Variants in RAB27B observed in about 807,000 individuals in gnomAD.
RAB27B encodes the protein RAB27B, member RAS oncogene family.
In RAB27B, 15 loss-of-function variants were observed where a neutral mutation model predicts 24.6. The ratio of observed to expected loss-of-function variants is 0.61; its 90% confidence interval spans 0.41 to 0.94. The LOEUF is 0.94. Among genes scored for constraint, RAB27B ranks in the 40% least tolerant of loss-of-function variants. RAB27B has a pLI of 0.00. For missense variants in RAB27B, 261 were observed against 266.8 expected (o/e 0.98, Z 0.15); for synonymous variants, 105 against 92.5 (o/e 1.14, Z -0.78).
intron 1 of RAB27B, among the ~76,000 whole-genome samples, chr18:54,872,108 G>T (rs1388877935): frequency 6.6e-6 from 1 of 152,102 alleles, no homozygotes; most frequent in Non-Finnish European, 1.5e-5. Context: ...AGGTGGTGAT[G>T]AGAGTATGTT....
At chr18:54,739,205 A>C (rs968635736) in intron 2 of RAB27B, among the ~76,000 whole-genome samples, 3 of 152,170 alleles carry the variant, frequency 2.0e-5, no homozygotes, top group African/African-American at 7.2e-5. Context: ...CTGTAATCCC[A>C]GCACTTTGGG....
chr18:54,766,839 G>T (rs1228822778), intron 2 of RAB27B, among the ~76,000 whole-genome samples: 1 of 152,156 alleles, frequency 6.6e-6, no homozygotes, highest in Non-Finnish European at 1.5e-5. Context: ...AACAATGGCT[G>T]CCTAGGGAAT....
chr18:54,843,374 C>A (rs1403052350), intron 1 of RAB27B, among the ~76,000 whole-genome samples: 1 of 149,992 alleles, frequency 6.7e-6, no homozygotes, highest in Non-Finnish European at 1.5e-5. Context: ...TTTTTTTTAG[C>A]AGTGCCAGCC....
intron 2 of RAB27B, among the ~76,000 whole-genome samples, chr18:54,783,953 G>C (rs1909000322): frequency 6.6e-6 from 1 of 152,164 alleles, no homozygotes; most frequent in Non-Finnish European, 1.5e-5. Flanking sequence ...ACCAGAGGTA[G>C]GGTCAATGTT....
upstream of RAB27B, among the ~76,000 whole-genome samples, chr18:54,824,989 G>A (rs1187563102): frequency 6.6e-6 from 1 of 152,046 alleles, no homozygotes; most frequent in Non-Finnish European, 1.5e-5. Flanking sequence ...AAGCTTGTTT[G>A]GGGAACTGTT....
intron 2 of RAB27B, among the ~76,000 whole-genome samples, chr18:54,772,012 A>G (rs1178835039): frequency 6.6e-6 from 1 of 152,210 alleles, no homozygotes; most frequent in Non-Finnish European, 1.5e-5. Flanking sequence ...CATTCAACCT[A>G]CACAAACACA....
intron 2 of RAB27B, among the ~76,000 whole-genome samples, chr18:54,790,157 C>T (rs1909204732): frequency 6.6e-6 from 1 of 151,974 alleles, no homozygotes; most frequent in Admixed American, 6.5e-5. Context: ...AACACACACA[C>T]AATTTGTTGA....
chr18:54,865,087 TTAAA>T (rs1450783599), intron 1 of RAB27B, among the ~76,000 whole-genome samples: 1 of 152,182 alleles, frequency 6.6e-6, no homozygotes, highest in Middle Eastern at 3.2e-3. Flanking sequence ...CAGTACCTGA[TTAAA>T]TATGTGTTAT....
intron 2 of RAB27B, among the ~76,000 whole-genome samples, chr18:54,746,613 G>A (rs989983177): frequency 2.0e-5 from 3 of 152,152 alleles, no homozygotes. Context: ...TTAAGATAGA[G>A]AGGCTGGAAT....
At chr18:54,872,352 A>G (rs1337075453) in intron 1 of RAB27B, among the ~76,000 whole-genome samples, 4 of 152,178 alleles carry the variant, frequency 2.6e-5, no homozygotes, top group African/African-American at 9.6e-5. Context: ...GGGGCCAGGC[A>G]CAGTGGCTCA....
intron 2 of RAB27B, among the ~76,000 whole-genome samples, chr18:54,821,127 C>T (rs1910296789): frequency 2.0e-5 from 3 of 152,082 alleles, no homozygotes; most frequent in Admixed American, 2.0e-4. Context: ...GATTGTATAT[C>T]TAGAAAACCC....
intron 2 of RAB27B, among the ~76,000 whole-genome samples, chr18:54,802,017 G>A (rs1204374494): frequency 6.6e-6 from 1 of 152,186 alleles, no homozygotes; most frequent in Admixed American, 6.5e-5. Flanking sequence ...TCAACCATCA[G>A]GCACCTTGGT....
intron 2 of RAB27B, among the ~76,000 whole-genome samples, chr18:54,802,636 C>T (rs1261560466): frequency 6.6e-6 from 1 of 152,126 alleles, no homozygotes; most frequent in Non-Finnish European, 1.5e-5. Flanking sequence ...TTTCTTATTT[C>T]TAAATTCCTT....
chr18:54,762,951 G>C (rs918311859), intron 2 of RAB27B, among the ~76,000 whole-genome samples: 3 of 151,986 alleles, frequency 2.0e-5, no homozygotes, highest in Admixed American at 2.0e-4. Context: ...AGGCATAAAG[G>C]AATAAATGTG....
intron 2 of RAB27B, among the ~76,000 whole-genome samples, chr18:54,727,965 A>G (rs1909594114): frequency 6.6e-6 from 1 of 152,220 alleles, no homozygotes; most frequent in Non-Finnish European, 1.5e-5. Context: ...GACTACAGCT[A>G]AAAACTCTGC....
In RAB27B at chr18:54,889,134, C is replaced by T. The variant is rs529108565; in HGVS notation, c.468-90C>T. 6.9e-5 allele frequency: 84 copies of T among 1,220,812 alleles called. No individual in the cohort carries two copies. The African/African-American group carries it at 8.5e-4, about 12-fold the overall frequency. 75.6% of individuals were successfully genotyped at this position (1,220,812 alleles called of 1,614,324 possible). A position where few individuals can be genotyped will look rare whatever the true frequency, so the allele number is the denominator to read the frequency against. On this transcript the variant is annotated intron_variant, in intron 5 of 5. Coordinates refer to ENST00000262094, the MANE Select transcript of RAB27B (RefSeq NM_004163.4). ...ATCATTTCACAATCTCTCAGCCAGC[C>T]GTTTTTGCATGTGTGATTCACTTGT...
chr18:54,841,156 G>GGC lies in RAB27B; in HGVS notation c.-20+12457_-20+12458insCG, dbSNP rs1448034554. On this transcript the variant is annotated intron_variant, in intron 1 of 5. Coordinates refer to ENST00000262094, the MANE Select transcript of RAB27B (RefSeq NM_004163.4). Reference sequence around the variant, plus strand: ...AGAAAGACTCTGTCTTTGGGTGGCGGGGCGGTGGGGGGTTTGGTGAGAGGG... The same window carrying GGC: ...AGAAAGACTCTGTCTTTGGGTGGCGGGCGGCGGTGGGGGGTTTGGTGAGAGGG... Among the ~76,000 whole-genome samples the GGC allele has an allele frequency of 5.5e-3, 626 of 114,194 alleles. 61 individuals are homozygous for GGC. Among genetic ancestry groups the GGC allele is most frequent in the African/African-American group, 0.015 (388 of 25,528 alleles). The allele number at this position is 114,194 out of a possible 152,430, so 74.9% of individuals were successfully genotyped here.
intron 2 of RAB27B, among the ~76,000 whole-genome samples, chr18:54,786,529 T>C (rs1241790353): frequency 6.6e-6 from 1 of 152,244 alleles, no homozygotes; most frequent in Non-Finnish European, 1.5e-5. Flanking sequence ...AAGATGCATG[T>C]CTTTCAATAC....
intron 2 of RAB27B, among the ~76,000 whole-genome samples, chr18:54,786,853 T>C (rs925302308): frequency 1.3e-5 from 2 of 152,238 alleles, no homozygotes; most frequent in African/African-American, 4.8e-5. Flanking sequence ...TATTAAGCGA[T>C]AAACATGGCC....
Sources: gnomAD v4.1 joint callset for allele counts (sites outside exome capture counted in the v4.1 genomes callset) on GRCh38, gnomAD v4.1.1 for gene constraint, MANE v1.5 for transcripts, NCBI Gene and HGNC (gene_info 2026-07-23, HGNC 2026-07-21) for gene names.